UBP1: variants seen among roughly 807,000 people sequenced by gnomAD.
The protein encoded by UBP1 is upstream binding protein 1, also known as upstream-binding protein 1.
Under a neutral mutation model 76.1 loss-of-function variants are expected in UBP1, and 22 were observed. The ratio of observed to expected loss-of-function variants is 0.29; its 90% CI spans 0.21 to 0.41. The LOEUF is 0.41. Ranked by LOEUF, UBP1 falls within the 10% of genes least tolerant of loss-of-function variation. The pLI, the probability that UBP1 is intolerant of heterozygous loss-of-function variation, is 1.00. For missense variants in UBP1, 436 were observed against 668.1 expected, an observed-to-expected ratio of 0.65 and a Z score of 3.83; for synonymous variants, 224 against 237.1, an observed-to-expected ratio of 0.94 and a Z score of 0.51.
chr3:33,400,088 A>G (rs1436730054), intron 11 of UBP1, 101 bp downstream of exon 11: 1 of 674,290 alleles, frequency 1.5e-6, no homozygotes, highest in Non-Finnish European at 2.2e-6. Context: ...GCAACTTCCT[A>G]TCCATAGTTA....
In UBP1 at chr3:33,433,205, T is replaced by A. The variant is rs537814982; in HGVS notation, c.113+6531A>T. On this transcript the variant is annotated intron_variant, in intron 1 of 15. Transcript: ENST00000283629. ...CCTCCTGAGTAGCTGGGATTACAGG[T>A]ACATGCCACCATGCCTGGCTGATTT... Among the ~76,000 whole-genome samples, 5 of 149,842 alleles carry A rather than the reference T, an allele frequency of 3.3e-5. No individual in the cohort carries two copies. In the East Asian group the frequency reaches 1.0e-3, roughly 31 times the overall value.
At chr3:33,432,684 G>A (rs1157232346) in intron 1 of UBP1, among the ~76,000 whole-genome samples, 1 of 152,104 alleles carries the variant, frequency 6.6e-6, no homozygotes. Context: ...CACATCAGAA[G>A]TGTCAAAATC....
At chr3:33,396,095 T>C in intron 13 of UBP1, 67 bp downstream of exon 13, 1 of 1,397,922 alleles carries the variant, frequency 7.2e-7, no homozygotes, top group Non-Finnish European at 9.8e-7. Flanking sequence ...GCCTGCTCAA[T>C]CGAGTCCTTT....
At chr3:33,432,279 G>A (rs1165069173) in intron 1 of UBP1, among the ~76,000 whole-genome samples, 1 of 152,108 alleles carries the variant, frequency 6.6e-6, no homozygotes, top group Non-Finnish European at 1.5e-5. Context: ...AGCCATGATT[G>A]CACCACTGCA....
chr3:33,400,596 T>C (rs1304030448), intron 10 of UBP1, among the ~76,000 whole-genome samples: 1 of 152,156 alleles, frequency 6.6e-6, no homozygotes, highest in African/African-American at 2.4e-5. Flanking sequence ...ATATTCTCAC[T>C]TATATGTGGG....
intron 1 of UBP1, among the ~76,000 whole-genome samples, chr3:33,427,974 T>G (rs1351641446): frequency 6.6e-6 from 1 of 152,136 alleles, no homozygotes; most frequent in African/African-American, 2.4e-5. Context: ...GGTGATCACC[T>G]GAGGTCAGGA....
At chr3:33,415,439 G>C (rs530755686) in intron 3 of UBP1, among the ~76,000 whole-genome samples, 1 of 152,166 alleles carries the variant, frequency 6.6e-6, no homozygotes, top group East Asian at 1.9e-4. Context: ...AAGCACAAGG[G>C]GAATAGATGA....
chr3:33,396,894 A>G lies in UBP1; in HGVS notation c.1271+151T>C, dbSNP rs758202387. On this transcript the variant is annotated intron_variant, in intron 12 of 15. Coordinates refer to ENST00000283629, the MANE Select transcript of UBP1 (RefSeq NM_014517.5). Reference sequence around the variant, plus strand: ...TGGGCCTGCCCTGAAGGTGTACACAAAACAGTCTTCTTGTGAGCACAATGC... The same window carrying G: ...TGGGCCTGCCCTGAAGGTGTACACAGAACAGTCTTCTTGTGAGCACAATGC... 25 of 756,942 alleles carry G rather than the reference A, an allele frequency of 3.3e-5. No individual in the cohort carries two copies. The Admixed American group carries it at 4.2e-4, about 13-fold the overall frequency. 46.9% of individuals were successfully genotyped at this position (756,942 alleles called of 1,614,324 possible). A position where few individuals can be genotyped will look rare whatever the true frequency, so the allele number is the denominator to read the frequency against.
chr3:33,416,707 CTCAT>C, intron 3 of UBP1, 47 bp downstream of exon 3: 5 of 1,347,746 alleles, frequency 3.7e-6, no homozygotes, highest in Admixed American at 2.2e-5. Flanking sequence ...TAAACAAAAA[CTCAT>C]TCAATCACAG....
At chr3:33,401,094 G>T in intron 9 of UBP1, 78 bp from the exon 10 acceptor site, 1 of 1,355,584 alleles carries the variant, frequency 7.4e-7, no homozygotes, top group Non-Finnish European at 1.0e-6. Context: ...AAAAGCTGTT[G>T]CATTGTAACT....
chr3:33,440,716 C>T (rs2045286591), upstream of UBP1: 1 of 152,350 alleles, frequency 6.6e-6, no homozygotes, highest in South Asian at 2.1e-4. Flanking sequence ...GTCTCTGTGT[C>T]CCCCGACTAA....
intron 4 of UBP1, 66 bp from the exon 5 acceptor site, chr3:33,411,753 C>T: frequency 1.6e-6 from 2 of 1,263,514 alleles, no homozygotes; most frequent in Non-Finnish European, 2.3e-6. Flanking sequence ...TTACAACTTA[C>T]TATATTATGT....
At chr3:33,432,915 T>A (rs2045137351) in intron 1 of UBP1, among the ~76,000 whole-genome samples, 2 of 152,184 alleles carry the variant, frequency 1.3e-5, no homozygotes, top group Admixed American at 1.3e-4. Flanking sequence ...ACATGTGAAC[T>A]CTCCATACTA....
intron 8 of UBP1, among the ~76,000 whole-genome samples, chr3:33,404,749 C>T (rs916830147): frequency 6.6e-6 from 1 of 152,016 alleles, no homozygotes; most frequent in African/African-American, 2.4e-5. Context: ...GGAGGATGGA[C>T]CTATTGTCAA....
chr3:33,388,977 A>C lies in UBP1; in HGVS notation c.*1354T>G, dbSNP rs1381429540. 2 of 152,208 alleles carry C rather than the reference A, an allele frequency of 1.3e-5. No homozygotes were observed. Among genetic ancestry groups the C allele is most frequent in the East Asian group, 1.9e-4 (1 of 5,184 alleles). The allele number at this position is 152,208 out of a possible 1,614,324, so 9.4% of individuals were successfully genotyped here. A position where few individuals can be genotyped will look rare whatever the true frequency, so the allele number is the denominator to read the frequency against. ...AGGACACCTGGGTATATGGACAAAG[A>C]TATCCTACAATTAAAATGGAATAGA... On this transcript the variant is annotated 3_prime_UTR_variant, in exon 16 of 16. Transcript: ENST00000283629.
chr3:33,404,465 C>A (rs2044360714), intron 8 of UBP1, among the ~76,000 whole-genome samples: 1 of 148,318 alleles, frequency 6.7e-6, no homozygotes, highest in African/African-American at 2.5e-5. Flanking sequence ...CTCCCAAAGC[C>A]AAGCTAAAGA....
chr3:33,390,580 TG>T, intron 15 of UBP1: 2 of 597,512 alleles, frequency 3.3e-6, no homozygotes, highest in African/African-American at 3.7e-5. Context: ...CTGCGAAGCC[TG>T]GCCCACTATC....
chr3:33,432,960 TTTAAG>T (rs1477884864), intron 1 of UBP1, among the ~76,000 whole-genome samples: 1 of 152,152 alleles, frequency 6.6e-6, no homozygotes, highest in Admixed American at 6.5e-5. Context: ...AATGAAGAGT[TTTAAG>T]TTAAAAGTTC....
chr3:33,416,728 C>G, intron 3 of UBP1, 30 bp downstream of exon 3: 2 of 1,510,980 alleles, frequency 1.3e-6, no homozygotes, highest in Admixed American at 1.8e-5. Context: ...ACAGCAATAT[C>G]CATTGGGAAT....
Sources: allele counts gnomAD v4.1 joint callset (sites outside exome capture counted in the v4.1 genomes callset), GRCh38; gene constraint gnomAD v4.1.1; transcripts MANE v1.5; gene names NCBI Gene and HGNC (gene_info 2026-07-23, HGNC 2026-07-21).